Variants in RBFOX1 observed in about 807,000 individuals in gnomAD.
The protein encoded by RBFOX1 is RNA binding protein fox-1 homolog 1.
Under a neutral mutation model 57.7 loss-of-function variants are expected in RBFOX1, and 8 were observed. The ratio of observed to expected loss-of-function variants is 0.14; its 90% CI spans 0.08 to 0.25. RBFOX1 has a LOEUF of 0.25. RBFOX1 is among the 10% of genes least tolerant of loss of function. The pLI, the probability that RBFOX1 is intolerant of heterozygous loss-of-function variation, is 1.00. For synonymous variants in RBFOX1, 326 were observed against 222.4 expected, an observed-to-expected ratio of 1.47 and a Z score of -4.15; for missense variants, 611 against 548.5, an observed-to-expected ratio of 1.11 and a Z score of -1.14.
At chr16:7,565,361 T>C (rs2091419738) in intron 5 of RBFOX1, among the ~76,000 whole-genome samples, 1 of 152,172 alleles carries the variant, frequency 6.6e-6, no homozygotes, top group South Asian at 2.1e-4. Context: ...CCCGAACTTT[T>C]CTCGATTGCT....
intron 2 of RBFOX1, among the ~76,000 whole-genome samples, chr16:6,538,530 G>A (rs530340034): frequency 3.8e-4 from 58 of 152,170 alleles, no homozygotes; most frequent in African/African-American, 1.3e-3. Context: ...AAATCATGAG[G>A]AGACATCATG....
At chr16:7,347,347 T>G (rs994011271) in intron 4 of RBFOX1, among the ~76,000 whole-genome samples, 2 of 152,148 alleles carry the variant, frequency 1.3e-5, no homozygotes, top group Non-Finnish European at 2.9e-5. Context: ...ATGTTTCACA[T>G]GGATGACAGC....
At chr16:5,552,761 C>G (rs900533930) in intron 2 of RBFOX1, among the ~76,000 whole-genome samples, 10 of 152,114 alleles carry the variant, frequency 6.6e-5, no homozygotes, top group African/African-American at 1.7e-4. Flanking sequence ...TCCCTTTGCT[C>G]TGATCACAGT....
intron 2 of RBFOX1, among the ~76,000 whole-genome samples, chr16:6,606,403 G>A (rs1174372463): frequency 6.6e-6 from 1 of 152,116 alleles, no homozygotes; most frequent in African/African-American, 2.4e-5. Context: ...TGTCCAGGAC[G>A]TGCAGATTTG....
At chr16:6,840,244 C>G (rs974411556) in intron 3 of RBFOX1, among the ~76,000 whole-genome samples, 2 of 152,078 alleles carry the variant, frequency 1.3e-5, no homozygotes, top group Non-Finnish European at 2.9e-5. Context: ...AAGCTTTGTC[C>G]ATCTTTTAGT....
chr16:5,959,955 C>G (rs921027379), intron 4 of RBFOX1, among the ~76,000 whole-genome samples: 1 of 152,202 alleles, frequency 6.6e-6, no homozygotes, highest in Non-Finnish European at 1.5e-5. Context: ...AATCCCAGTA[C>G]TTTGGGAGGC....
chr16:7,612,562 C>G (rs2141556176), intron 10 of RBFOX1, among the ~76,000 whole-genome samples: 1 of 151,752 alleles, frequency 6.6e-6, no homozygotes, highest in East Asian at 1.9e-4. Flanking sequence ...AGAGGGGATT[C>G]TTACACTTTC....
At chr16:5,908,642 T>C (rs1597740965) in intron 4 of RBFOX1, among the ~76,000 whole-genome samples, 1 of 152,034 alleles carries the variant, frequency 6.6e-6, no homozygotes, top group Non-Finnish European at 1.5e-5. Flanking sequence ...TTAATTACTA[T>C]ATGATCCTCC....
intron 10 of RBFOX1, among the ~76,000 whole-genome samples, chr16:7,624,522 A>C (rs544210662): frequency 6.6e-6 from 1 of 152,220 alleles, no homozygotes; most frequent in Non-Finnish European, 1.5e-5. Flanking sequence ...ATGGAGTTCA[A>C]CAGATGTACC....
intron 1 of RBFOX1, among the ~76,000 whole-genome samples, chr16:6,160,445 C>G (rs1410853725): frequency 6.6e-6 from 1 of 152,182 alleles, no homozygotes; most frequent in African/African-American, 2.4e-5. Flanking sequence ...TGATGCTTCA[C>G]TTCCCTTTTG....
At chr16:5,266,231 G>T (rs900117337) in intron 1 of RBFOX1, among the ~76,000 whole-genome samples, 2 of 152,174 alleles carry the variant, frequency 1.3e-5, no homozygotes, top group African/African-American at 4.8e-5. Context: ...TTTCTCTGTT[G>T]TATGTGTGGG....
At chr16:7,140,476 C>T (rs758822817) in intron 4 of RBFOX1, among the ~76,000 whole-genome samples, 41 of 151,900 alleles carry the variant, frequency 2.7e-4, no homozygotes, top group Non-Finnish European at 4.4e-4. Flanking sequence ...GAAATGATTT[C>T]TTCAATTTAT....
chr16:6,521,788 T>C (rs563081792), intron 2 of RBFOX1, among the ~76,000 whole-genome samples: 2 of 152,276 alleles, frequency 1.3e-5, no homozygotes, highest in South Asian at 4.1e-4. Flanking sequence ...CCTGTACAAC[T>C]GTGATTCTTA....
intron 2 of RBFOX1, among the ~76,000 whole-genome samples, chr16:6,489,021 C>T (rs574590087): frequency 2.6e-5 from 4 of 152,296 alleles, no homozygotes; most frequent in African/African-American, 7.2e-5. Flanking sequence ...TATTCCCTTA[C>T]AGTCTGACAC....
intron 2 of RBFOX1, among the ~76,000 whole-genome samples, chr16:6,351,827 C>T (rs551452626): frequency 3.2e-4 from 48 of 152,216 alleles, no homozygotes; most frequent in Non-Finnish European, 4.1e-4. Flanking sequence ...TCCTGAGGTA[C>T]GTAAAATGTT....
intron 4 of RBFOX1, among the ~76,000 whole-genome samples, chr16:7,406,917 C>T (rs1020289042): frequency 1.1e-4 from 16 of 152,184 alleles, no homozygotes; most frequent in African/African-American, 3.1e-4. Flanking sequence ...CCTCCGTCTC[C>T]AATGCTATCA....
chr16:6,763,376 A>G (rs556529058), intron 3 of RBFOX1, among the ~76,000 whole-genome samples: 1 of 152,344 alleles, frequency 6.6e-6, no homozygotes, highest in East Asian at 1.9e-4. Context: ...TTGGAGAGCC[A>G]TCCATTCCAT....
chr16:6,627,154 C>T (rs1337131506), intron 2 of RBFOX1, among the ~76,000 whole-genome samples: 1 of 152,128 alleles, frequency 6.6e-6, no homozygotes, highest in Admixed American at 6.5e-5. Context: ...GTCATCCAAC[C>T]CGCATTACTC....
chr16:6,332,681 C>T (rs1433774527), intron 2 of RBFOX1, among the ~76,000 whole-genome samples: 1 of 152,110 alleles, frequency 6.6e-6, no homozygotes, highest in Non-Finnish European at 1.5e-5. Flanking sequence ...GTTCTGGGAA[C>T]AGGAAGGTAG....
Sources: allele counts gnomAD v4.1 joint callset (sites outside exome capture counted in the v4.1 genomes callset), GRCh38; gene constraint gnomAD v4.1.1; transcripts MANE v1.5; gene names NCBI Gene and HGNC (gene_info 2026-07-23, HGNC 2026-07-21).